AK5: variants seen among roughly 807,000 people sequenced by gnomAD.
The protein encoded by AK5 is adenylate kinase isoenzyme 5.
A neutral mutation model predicts 69.5 loss-of-function variants in AK5; 27 were observed. The ratio of observed to expected loss-of-function variants is 0.39; its 90% confidence interval spans 0.29 to 0.54. The LOEUF (loss-of-function observed/expected upper bound fraction) is 0.54. Ranked by LOEUF, AK5 falls within the 20% of genes least tolerant of loss-of-function variation. The pLI is 0.71. For missense variants in AK5, 531 were observed against 700.4 expected, an observed-to-expected ratio of 0.76 and a Z score of 2.73; for synonymous variants, 260 against 244.4, an observed-to-expected ratio of 1.06 and a Z score of -0.60.
At chr1:77,555,794 T>C (rs1257446108) in intron 13 of AK5, among the ~76,000 whole-genome samples, 1 of 152,264 alleles carries the variant, frequency 6.6e-6, no homozygotes, top group African/African-American at 2.4e-5. Context: ...TGAATGTTCA[T>C]CTCTACCACT....
intron 8 of AK5, among the ~76,000 whole-genome samples, chr1:77,444,295 TATATAGTATATATACACAATATATG>T (rs1652555179): frequency 1.5e-5 from 1 of 67,974 alleles, no homozygotes; most frequent in Non-Finnish European, 2.6e-5. Context: ...TATGTGTATA[TATATAGTATATATACACAATATATG>T]TGTATATATA....
Position 77,282,249 on chromosome 1 carries a change from C to T in AK5, c.-65C>T. 1 of 1,484,260 alleles carries T rather than the reference C, an allele frequency of 6.7e-7. No individual in the cohort carries two copies. Among genetic ancestry groups the T allele is most frequent in the South Asian group, 1.3e-5 (1 of 77,396 alleles). The allele number at this position is 1,484,260 out of a possible 1,614,324, so 91.9% of individuals were successfully genotyped here. A position where few individuals can be genotyped will look rare whatever the true frequency, so the allele number is the denominator to read the frequency against. Reference sequence around the variant, plus strand: ...GACTCTGCCAGCCCCAGCTTCAGCCCCGGCTCAGGTCGCCGCAGCCCGGGA... The same window carrying T: ...GACTCTGCCAGCCCCAGCTTCAGCCTCGGCTCAGGTCGCCGCAGCCCGGGA... On this transcript the variant is annotated 5_prime_UTR_variant, in exon 1 of 14. Coordinates refer to ENST00000354567, the MANE Select transcript of AK5 (RefSeq NM_174858.3).
chr1:77,487,444 C>T (rs1288338640), intron 10 of AK5, among the ~76,000 whole-genome samples: 1 of 152,140 alleles, frequency 6.6e-6, no homozygotes, highest in African/African-American at 2.4e-5. Flanking sequence ...TCAAGTGCCT[C>T]AAAAAATTAG....
chr1:77,475,968 A>T (rs1287956169), intron 8 of AK5, among the ~76,000 whole-genome samples: 2 of 152,184 alleles, frequency 1.3e-5, no homozygotes, highest in Non-Finnish European at 2.9e-5. Context: ...AACAGTGAGA[A>T]AATTTTTTTC....
chr1:77,289,488 A>G (rs1403456243), intron 2 of AK5, among the ~76,000 whole-genome samples: 5 of 152,094 alleles, frequency 3.3e-5, no homozygotes, highest in Non-Finnish European at 5.9e-5. Context: ...CTAAACCTTA[A>G]AGTACTAATA....
intron 5 of AK5, among the ~76,000 whole-genome samples, chr1:77,311,030 A>G (rs780888627): frequency 6.6e-6 from 1 of 152,072 alleles, no homozygotes; most frequent in Non-Finnish European, 1.5e-5. Flanking sequence ...CCATCTTTAT[A>G]GAATTATTGT....
chr1:77,467,586 T>C (rs993893333), intron 8 of AK5, among the ~76,000 whole-genome samples: 1 of 152,232 alleles, frequency 6.6e-6, no homozygotes, highest in Non-Finnish European at 1.5e-5. Context: ...TTCTAAAATA[T>C]ATACTAATGT....
At chr1:77,290,265 T>C (rs1658613586) in intron 2 of AK5, among the ~76,000 whole-genome samples, 1 of 152,246 alleles carries the variant, frequency 6.6e-6, no homozygotes, top group Admixed American at 6.5e-5. Flanking sequence ...AATGCTTTCT[T>C]CATTTGTGCT....
At chr1:77,494,120 A>G (rs959707501) in intron 10 of AK5, among the ~76,000 whole-genome samples, 4 of 152,230 alleles carry the variant, frequency 2.6e-5, no homozygotes, top group African/African-American at 9.6e-5. Context: ...GCCCAAGTAC[A>G]TGAGGTTACC....
chr1:77,481,553 C>T (rs1232204603), intron 8 of AK5, among the ~76,000 whole-genome samples: 2 of 152,188 alleles, frequency 1.3e-5, no homozygotes, highest in Admixed American at 6.5e-5. Flanking sequence ...CTAAACAGGA[C>T]AGCAAGAATC....
intron 6 of AK5, among the ~76,000 whole-genome samples, chr1:77,374,935 T>G (rs1473901436): frequency 6.6e-6 from 1 of 152,222 alleles, no homozygotes; most frequent in African/African-American, 2.4e-5. Flanking sequence ...TACCAAACTC[T>G]TAAAATTAAT....
At chr1:77,306,494 G>GTTTTTTTTTT (rs869202567) in intron 5 of AK5, among the ~76,000 whole-genome samples, 2 of 120,364 alleles carry the variant, frequency 1.7e-5, no homozygotes, top group East Asian at 2.7e-4. Context: ...GTTTTTTTTT[G>GTTTTTTTTTT]TTTTTTTTTT....
intron 8 of AK5, among the ~76,000 whole-genome samples, chr1:77,428,229 C>T (rs1341282262): frequency 1.3e-5 from 2 of 152,180 alleles, no homozygotes; most frequent in Non-Finnish European, 2.9e-5. Flanking sequence ...TGAGCCCACA[C>T]ACTAAATCTG....
chr1:77,413,360 CGTG>C (rs1650176379), intron 7 of AK5, among the ~76,000 whole-genome samples: 1 of 152,132 alleles, frequency 6.6e-6, no homozygotes, highest in African/African-American at 2.4e-5. Context: ...TCAGAGTAAA[CGTG>C]GTGATTTTCT....
chr1:77,290,289 C>T (rs1046705844), intron 2 of AK5, among the ~76,000 whole-genome samples: 2 of 152,136 alleles, frequency 1.3e-5, no homozygotes, highest in African/African-American at 2.4e-5. Context: ...AAGGTTTTAG[C>T]TATAATGTGT....
At chr1:77,394,609 G>A (rs1453190765) in intron 6 of AK5, among the ~76,000 whole-genome samples, 1 of 151,868 alleles carries the variant, frequency 6.6e-6, no homozygotes, top group East Asian at 1.9e-4. Context: ...ATGAACTCTA[G>A]TGCATGGCAT....
At chr1:77,430,863 C>T (rs1331612904) in intron 8 of AK5, among the ~76,000 whole-genome samples, 2 of 152,090 alleles carry the variant, frequency 1.3e-5, no homozygotes, top group Non-Finnish European at 2.9e-5. Flanking sequence ...GAGAACTTTA[C>T]AAAGCGCTAT....
chr1:77,522,893 T>C (rs1284115083), intron 12 of AK5, among the ~76,000 whole-genome samples: 2 of 152,222 alleles, frequency 1.3e-5, no homozygotes, highest in Non-Finnish European at 2.9e-5. Flanking sequence ...TCTCGTTTTT[T>C]TTTAATAACC....
chr1:77,449,432 G>T (rs1652998000), intron 8 of AK5, among the ~76,000 whole-genome samples: 1 of 152,212 alleles, frequency 6.6e-6, no homozygotes, highest in African/African-American at 2.4e-5. Flanking sequence ...TGGAATGGCT[G>T]TATTCACCTA....
Sources: allele counts gnomAD v4.1 joint callset (sites outside exome capture counted in the v4.1 genomes callset), GRCh38; gene constraint gnomAD v4.1.1; transcripts MANE v1.5; gene names NCBI Gene and HGNC (gene_info 2026-07-23, HGNC 2026-07-21).